TIAM1: variants seen among roughly 807,000 people sequenced by gnomAD.
TIAM1 encodes the protein TIAM Rac1 associated GEF 1, also known as rho guanine nucleotide exchange factor TIAM1.
A neutral mutation model predicts 163.5 loss-of-function variants in TIAM1; 65 were observed. That is an observed-to-expected ratio of 0.40 (90% CI 0.33 to 0.49). The LOEUF (loss-of-function observed/expected upper bound fraction) is 0.49. TIAM1 is among the 20% of genes least tolerant of loss of function. TIAM1 has a pLI of 0.77. For missense variants in TIAM1, 1,789 were observed against 2,044.7 expected (o/e 0.87, Z 2.41); for synonymous variants, 833 against 810.1 (o/e 1.03, Z -0.48).
intron 2 of TIAM1, among the ~76,000 whole-genome samples, chr21:31,315,121 A>G (rs925484282): frequency 2.6e-5 from 4 of 152,184 alleles, no homozygotes; most frequent in African/African-American, 9.6e-5. Flanking sequence ...CTGTAATCCC[A>G]GCACTTTGGA....
At chr21:31,279,083 T>C (rs1471795889) in intron 2 of TIAM1, among the ~76,000 whole-genome samples, 1 of 151,918 alleles carries the variant, frequency 6.6e-6, no homozygotes, top group Non-Finnish European at 1.5e-5. Context: ...AGAATAAAAT[T>C]TTTTCTCTAT....
chr21:31,483,160 T>C (rs2046169776), intron 1 of TIAM1, among the ~76,000 whole-genome samples: 2 of 152,188 alleles, frequency 1.3e-5, no homozygotes, highest in African/African-American at 4.8e-5. Flanking sequence ...AGATATTTTA[T>C]AAACATAAGC....
chr21:31,295,835 C>G (rs1376186993), intron 2 of TIAM1, among the ~76,000 whole-genome samples: 1 of 152,074 alleles, frequency 6.6e-6, no homozygotes, highest in Non-Finnish European at 1.5e-5. Flanking sequence ...TTTTTTGAGA[C>G]GGATTGGGCT....
At position 31,182,569 on chromosome 21, in the gene TIAM1, A is replaced by G. The variant is rs747802856; in HGVS notation, c.2739T>C (p.Asp913=). The part of the protein sequence containing the change: ...ADALNSSMLK[D]FLSQPSLGLL... ...GGCCCAGCGAGGGCTGTGAGAGGAA[A>G]TCTTTGAGCATAGAAGAGTTCAGGG... The change falls in exon 15 of 28, where the codon GAT becomes GAC. Residue 913 remains aspartate (D), a synonymous_variant. Coordinates refer to ENST00000541036, the MANE Select transcript of TIAM1 (RefSeq NM_001353694.2). 6 of 1,613,978 alleles carry G rather than the reference A, an allele frequency of 3.7e-6. No individual in the cohort carries two copies. The South Asian group carries it at 6.6e-5, about 18-fold the overall frequency.
At chr21:31,249,378 T>C (rs1202012286) in intron 5 of TIAM1, among the ~76,000 whole-genome samples, 2 of 152,174 alleles carry the variant, frequency 1.3e-5, no homozygotes, top group Non-Finnish European at 2.9e-5. Context: ...TGTGAGATGA[T>C]ACATTTCTGT....
At chr21:31,300,144 G>A (rs920003600) in intron 2 of TIAM1, among the ~76,000 whole-genome samples, 5 of 152,114 alleles carry the variant, frequency 3.3e-5, no homozygotes, top group African/African-American at 1.2e-4. Flanking sequence ...GTTCTCGTGA[G>A]ATCTATTCAT....
intron 2 of TIAM1, among the ~76,000 whole-genome samples, chr21:31,392,752 T>C (rs1382982413): frequency 6.6e-6 from 1 of 151,876 alleles, no homozygotes; most frequent in Non-Finnish European, 1.5e-5. Context: ...CTTGCAGTCA[T>C]GAGTGAGTTC....
chr21:31,238,849 G>A (rs1326340578), intron 6 of TIAM1, among the ~76,000 whole-genome samples: 1 of 152,180 alleles, frequency 6.6e-6, no homozygotes, highest in Non-Finnish European at 1.5e-5. Flanking sequence ...TTTGAGTTGA[G>A]TTTGGGTCCA....
intron 5 of TIAM1, 137 bp downstream of exon 5, chr21:31,251,604 TA>T: frequency 1.1e-6 from 1 of 904,872 alleles, no homozygotes; most frequent in Non-Finnish European, 1.7e-6. Flanking sequence ...CTTACTATGA[TA>T]AATGTTTTAA....
At chr21:31,334,337 T>C (rs947018337) in intron 2 of TIAM1, among the ~76,000 whole-genome samples, 2 of 151,232 alleles carry the variant, frequency 1.3e-5, no homozygotes, top group African/African-American at 4.9e-5. Flanking sequence ...CAGGCTTGAG[T>C]GCAATGGCGT....
At chr21:31,379,762 G>A (rs1050366392) in intron 2 of TIAM1, among the ~76,000 whole-genome samples, 1 of 152,058 alleles carries the variant, frequency 6.6e-6, no homozygotes, top group East Asian at 1.9e-4. Flanking sequence ...AGTGAAAGAA[G>A]CCAGTCAAAA....
intron 1 of TIAM1, among the ~76,000 whole-genome samples, chr21:31,527,903 T>C (rs928557804): frequency 6.6e-6 from 1 of 152,076 alleles, no homozygotes; most frequent in African/African-American, 2.4e-5. Flanking sequence ...CCCAAGGAAA[T>C]GTCTTGCTTC....
chr21:31,249,017 T>C (rs557764293), intron 5 of TIAM1, among the ~76,000 whole-genome samples: 14 of 152,294 alleles, frequency 9.2e-5, no homozygotes, highest in African/African-American at 2.4e-4. Flanking sequence ...ACATTGCTGC[T>C]CTCAAACTGA....
At chr21:31,450,807 A>G (rs971330417) in intron 2 of TIAM1, among the ~76,000 whole-genome samples, 2 of 152,108 alleles carry the variant, frequency 1.3e-5, no homozygotes, top group African/African-American at 4.8e-5. Context: ...AAACCATCAG[A>G]TCTCATGAGA....
chr21:31,405,008 G>A (rs1171947005), intron 2 of TIAM1, among the ~76,000 whole-genome samples: 4 of 152,028 alleles, frequency 2.6e-5, no homozygotes, highest in East Asian at 1.9e-4. Context: ...TTGGGAGGCC[G>A]AGGCAGGAGG....
intron 3 of TIAM1, among the ~76,000 whole-genome samples, chr21:31,274,964 G>A (rs2073228381): frequency 6.8e-6 from 1 of 146,776 alleles, no homozygotes; most frequent in Non-Finnish European, 1.5e-5. Context: ...ACAAAAATCA[G>A]CTGGGTGTGG....
At chr21:31,426,744 T>A (rs1248372412) in intron 2 of TIAM1, among the ~76,000 whole-genome samples, 1 of 151,936 alleles carries the variant, frequency 6.6e-6, no homozygotes, top group Non-Finnish European at 1.5e-5. Context: ...CAGTTCTTAG[T>A]GAAAATTAAC....
chr21:31,426,744 T>C (rs1248372412), intron 2 of TIAM1, among the ~76,000 whole-genome samples: 1 of 151,936 alleles, frequency 6.6e-6, no homozygotes, highest in Non-Finnish European at 1.5e-5. Flanking sequence ...CAGTTCTTAG[T>C]GAAAATTAAC....
At chr21:31,315,023 G>A (rs1168430164) in intron 2 of TIAM1, among the ~76,000 whole-genome samples, 10 of 152,206 alleles carry the variant, frequency 6.6e-5, no homozygotes, top group Admixed American at 5.9e-4. Flanking sequence ...TAATTTTTTG[G>A]TGAGAGTCGC....
Sources: allele counts gnomAD v4.1 joint callset (sites outside exome capture counted in the v4.1 genomes callset), GRCh38; gene constraint gnomAD v4.1.1; transcripts MANE v1.5; gene names NCBI Gene and HGNC (gene_info 2026-07-23, HGNC 2026-07-21).